Variants in CNTNAP2 observed in about 807,000 individuals in gnomAD.
CNTNAP2 encodes the protein contactin associated protein 2.
Under a neutral mutation model 155.2 loss-of-function variants are expected in CNTNAP2, and 98 were observed. The ratio of observed to expected loss-of-function variants is 0.63; its 90% CI spans 0.54 to 0.75. The LOEUF is 0.75. Ranked by LOEUF, CNTNAP2 falls within the 30% of genes least tolerant of loss-of-function variation. The pLI, the probability that CNTNAP2 is intolerant of heterozygous loss-of-function variation, is 0.00. For synonymous variants in CNTNAP2, 651 were observed against 631.2 expected (o/e 1.03, Z -0.47); for missense variants, 1,727 against 1,688.1 (o/e 1.02, Z -0.40).
chr7:147,352,593 G>A (rs564869974), intron 9 of CNTNAP2, among the ~76,000 whole-genome samples: 2 of 152,008 alleles, frequency 1.3e-5, no homozygotes, highest in East Asian at 1.9e-4. Context: ...TAACTAATTG[G>A]TGCTATACTT....
intron 1 of CNTNAP2, among the ~76,000 whole-genome samples, chr7:146,402,753 G>C (rs1220871961): frequency 6.6e-6 from 1 of 151,942 alleles, no homozygotes; most frequent in Non-Finnish European, 1.5e-5. Context: ...AATTAGACTT[G>C]GTGACTACAT....
At chr7:148,105,587 T>A (rs917495171) in intron 15 of CNTNAP2, among the ~76,000 whole-genome samples, 1 of 137,410 alleles carries the variant, frequency 7.3e-6, no homozygotes, top group Non-Finnish European at 1.5e-5. Context: ...TATTTTTTAT[T>A]TTTTTTTTTT....
intron 10 of CNTNAP2, among the ~76,000 whole-genome samples, chr7:147,408,075 T>C (rs571770544): frequency 6.6e-5 from 10 of 152,358 alleles, no homozygotes; most frequent in African/African-American, 2.4e-4. Context: ...TTGCATACCA[T>C]GTGTCCAAGG....
intron 16 of CNTNAP2, among the ~76,000 whole-genome samples, chr7:148,129,897 CCT>C (rs1300620084): frequency 1.3e-5 from 2 of 152,184 alleles, no homozygotes; most frequent in African/African-American, 4.8e-5. Flanking sequence ...TCTCAGTTCT[CCT>C]AAGGATGATG....
chr7:148,314,655 G>A (rs567097549), intron 21 of CNTNAP2, among the ~76,000 whole-genome samples: 1 of 151,684 alleles, frequency 6.6e-6, no homozygotes, highest in East Asian at 1.9e-4. Flanking sequence ...AGGAGAAGGA[G>A]TTGGGGGGTT....
chr7:146,554,499 T>C (rs900470794), intron 1 of CNTNAP2, among the ~76,000 whole-genome samples: 2 of 152,240 alleles, frequency 1.3e-5, no homozygotes, highest in African/African-American at 2.4e-5. Context: ...TTGTATGTCT[T>C]TCCTCTACAA....
rs150664887 is a variant in CNTNAP2 at position 147,581,775 on chromosome 7, T to C, written c.1897+19518T>C. 3.7e-3 allele frequency among the ~76,000 whole-genome samples: 562 copies of C among 152,312 alleles called. 1 individual carries two copies. Among genetic ancestry groups the C allele is most frequent in the African/African-American group, 0.012 (515 of 41,582 alleles). On this transcript the variant is annotated intron_variant, in intron 12 of 23. Transcript: ENST00000361727. Reference sequence around the variant, plus strand: ...CTGAAATAAAACAACAACAAAATGTTTCTAGTGGTATGACTGTTGTAAAAA... The same window carrying C: ...CTGAAATAAAACAACAACAAAATGTCTCTAGTGGTATGACTGTTGTAAAAA...
intron 5 of CNTNAP2, among the ~76,000 whole-genome samples, chr7:147,109,899 T>G (rs1360839349): frequency 1.4e-4 from 2 of 14,456 alleles, no homozygotes; most frequent in African/African-American, 6.3e-4. Context: ...TTATTTGTAT[T>G]TATTTATTTA....
At chr7:147,480,838 A>G (rs1453693721) in intron 10 of CNTNAP2, among the ~76,000 whole-genome samples, 1 of 152,184 alleles carries the variant, frequency 6.6e-6, no homozygotes, top group Non-Finnish European at 1.5e-5. Context: ...GCCCGACCAC[A>G]TGAGCATCAC....
At chr7:146,163,024 G>A (rs1798248808) in intron 1 of CNTNAP2, among the ~76,000 whole-genome samples, 1 of 152,100 alleles carries the variant, frequency 6.6e-6, no homozygotes, top group Non-Finnish European at 1.5e-5. Context: ...GGGGGAGAGA[G>A]GAGGGATAAC....
chr7:147,309,877 C>G (rs1290204540), intron 9 of CNTNAP2, among the ~76,000 whole-genome samples: 1 of 151,694 alleles, frequency 6.6e-6, no homozygotes, highest in Non-Finnish European at 1.5e-5. Context: ...GCTTTTAATA[C>G]AAAAAAATTT....
At chr7:147,642,897 T>C (rs528058815) in intron 13 of CNTNAP2, among the ~76,000 whole-genome samples, 1 of 152,332 alleles carries the variant, frequency 6.6e-6, no homozygotes, top group African/African-American at 2.4e-5. Context: ...TTAACAAATG[T>C]TTGCTGATTC....
intron 2 of CNTNAP2, among the ~76,000 whole-genome samples, chr7:146,837,311 C>A (rs970574911): frequency 1.3e-5 from 2 of 152,038 alleles, no homozygotes; most frequent in African/African-American, 4.8e-5. Flanking sequence ...CATTCTAGTA[C>A]AATGATGTTT....
In CNTNAP2 at chr7:146,236,678, C is replaced by T. The variant is rs111488334; in HGVS notation, c.97+119705C>T. Among the ~76,000 whole-genome samples, 366 of 152,190 alleles carry T rather than the reference C, an allele frequency of 2.4e-3. 4 individuals are homozygous for T. The highest frequency in any genetic ancestry group is 8.5e-3 in the African/African-American group (351 of 41,532). ...TAACCGATGAGAGCAGCAAATTAAT[C>T]AAACAAATCGAACATTTTCTTCTCC... On this transcript the variant is annotated intron_variant, in intron 1 of 23. Transcript: ENST00000361727.
At chr7:146,503,830 T>A (rs1797341515) in intron 1 of CNTNAP2, among the ~76,000 whole-genome samples, 3 of 152,158 alleles carry the variant, frequency 2.0e-5, no homozygotes, top group Admixed American at 2.0e-4. Flanking sequence ...TTGTTTTGAT[T>A]ACTGTCAGGT....
At chr7:146,674,636 G>A (rs1800365973) in intron 1 of CNTNAP2, among the ~76,000 whole-genome samples, 1 of 152,050 alleles carries the variant, frequency 6.6e-6, no homozygotes, top group Admixed American at 6.6e-5. Context: ...GAGGAACAGG[G>A]GCAGCTCACA....
chr7:147,411,478 C>A (rs565665956), intron 10 of CNTNAP2, among the ~76,000 whole-genome samples: 1 of 152,228 alleles, frequency 6.6e-6, no homozygotes, highest in Admixed American at 6.5e-5. Context: ...TTTATTTCTG[C>A]ACATGTAAGA....
chr7:146,968,512 T>G (rs936453600), intron 3 of CNTNAP2, among the ~76,000 whole-genome samples: 1 of 152,186 alleles, frequency 6.6e-6, no homozygotes, highest in African/African-American at 2.4e-5. Flanking sequence ...TATTCGGAGA[T>G]TCAACTTCTT....
intron 13 of CNTNAP2, among the ~76,000 whole-genome samples, chr7:147,701,497 T>C (rs1005409068): frequency 1.3e-5 from 2 of 152,216 alleles, no homozygotes; most frequent in Non-Finnish European, 2.9e-5. Context: ...TGACTTGTCA[T>C]TGATACATTT....
Sources: allele counts gnomAD v4.1 joint callset (sites outside exome capture counted in the v4.1 genomes callset), GRCh38; gene constraint gnomAD v4.1.1; transcripts MANE v1.5; gene names NCBI Gene and HGNC (gene_info 2026-07-23, HGNC 2026-07-21).